The following MGLL variants were observed in gnomAD, a reference collection of about 807,000 sequenced individuals.
MGLL encodes monoglyceride lipase, also known as lysophospholipase homolog.
A neutral mutation model predicts 29.1 loss-of-function variants in MGLL; 7 were observed. The observed-to-expected ratio is 0.24, with a 90% CI of 0.14 to 0.45. MGLL has a LOEUF of 0.45. MGLL is among the 20% of genes least tolerant of loss of function. The pLI is 0.99. For missense variants in MGLL, 356 were observed against 413.6 expected, an observed-to-expected ratio of 0.86 and a Z score of 1.21; for synonymous variants, 148 against 168.3, an observed-to-expected ratio of 0.88 and a Z score of 0.93.
chr3:127,702,983 C>T (rs2075526259), intron 6 of MGLL, among the ~76,000 whole-genome samples: 1 of 152,206 alleles, frequency 6.6e-6, no homozygotes, highest in African/African-American at 2.4e-5. Flanking sequence ...GCATGAGCCA[C>T]CGCGTCCATC....
intron 6 of MGLL, among the ~76,000 whole-genome samples, chr3:127,696,364 C>CCATAG (rs2075362664): frequency 6.9e-6 from 1 of 145,472 alleles, no homozygotes; most frequent in Non-Finnish European, 1.5e-5. Context: ...TCTCTCAGGC[C>CCATAG]CATAGAGGGC....
chr3:127,801,752 TTATGTATTTTAAAA>T (rs2077483212), intron 2 of MGLL, among the ~76,000 whole-genome samples: 1 of 148,906 alleles, frequency 6.7e-6, no homozygotes, highest in South Asian at 2.1e-4. Flanking sequence ...TATGTATATG[TTATGTATTTTAAAA>T]TATGTATTTA....
intron 3 of MGLL, among the ~76,000 whole-genome samples, chr3:127,778,414 G>C (rs1256820822): frequency 6.6e-6 from 1 of 152,220 alleles, no homozygotes; most frequent in Non-Finnish European, 1.5e-5. Flanking sequence ...TGGGTACACA[G>C]CACAGCAGCC....
At chr3:127,792,136 G>A (rs1470776458) in intron 2 of MGLL, among the ~76,000 whole-genome samples, 2 of 152,300 alleles carry the variant, frequency 1.3e-5, no homozygotes, top group East Asian at 3.9e-4. Context: ...AAATCTATAT[G>A]TCTAGGTCCT....
chr3:127,822,959 T>TGC (rs1411081461), upstream of MGLL: 14 of 152,620 alleles, frequency 9.2e-5, no homozygotes, highest in African/African-American at 3.2e-4. Flanking sequence ...ACACACACCG[T>TGC]GCACACACAC....
At chr3:127,779,788 C>T (rs1317155695) in intron 3 of MGLL, among the ~76,000 whole-genome samples, 2 of 152,156 alleles carry the variant, frequency 1.3e-5, no homozygotes, top group Admixed American at 1.3e-4. Flanking sequence ...TCTTCACTTA[C>T]TAGCACATTT....
intron 5 of MGLL, among the ~76,000 whole-genome samples, chr3:127,714,679 A>G (rs1038207593): frequency 1.3e-5 from 2 of 152,148 alleles, no homozygotes; most frequent in African/African-American, 4.8e-5. Flanking sequence ...AAGAACAGAA[A>G]GGTCTCAGTG....
chr3:127,822,505 G>A lies in MGLL; in HGVS notation c.-187C>T. 3.1e-6 allele frequency: 2 copies of A among 635,448 alleles called. No homozygotes were observed. Among genetic ancestry groups the A allele is most frequent in the Non-Finnish European group, 5.6e-6 (2 of 357,156 alleles). 39.4% of individuals were successfully genotyped at this position (635,448 alleles called of 1,614,324 possible). A position where few individuals can be genotyped will look rare whatever the true frequency, so the allele number is the denominator to read the frequency against. On this transcript the variant is annotated 5_prime_UTR_variant, in exon 1 of 8. Coordinates refer to ENST00000265052, the MANE Select transcript of MGLL (RefSeq NM_007283.7). Reference sequence around the variant, plus strand: ...GGGAGCCTGCTTCCAGCTCCCACCGGCAGGCTCTCCGGGGCTCCCCTCCCT... The same window carrying A: ...GGGAGCCTGCTTCCAGCTCCCACCGACAGGCTCTCCGGGGCTCCCCTCCCT...
At position 127,689,631 on chromosome 3, in the gene MGLL, T is replaced by TG. The variant is rs2075209527; in HGVS notation, c.*2566dup. On this transcript the variant is annotated 3_prime_UTR_variant, in exon 8 of 8. Transcript: ENST00000265052. ...TCTCGAGGCCAAGCTGTGCGAGACC[T>TG]GGCATTCCTTCCAAACCTCAGTTCC... 1 of 152,442 alleles carries TG rather than the reference T, an allele frequency of 6.6e-6. No homozygotes were observed. The highest frequency in any genetic ancestry group is 1.9e-4 in the East Asian group (1 of 5,204). 9.4% of individuals were successfully genotyped at this position (152,442 alleles called of 1,614,324 possible). A position where few individuals can be genotyped will look rare whatever the true frequency, so the allele number is the denominator to read the frequency against.
At chr3:127,820,520 C>A (rs2077839931) in intron 2 of MGLL, among the ~76,000 whole-genome samples, 1 of 152,202 alleles carries the variant, frequency 6.6e-6, no homozygotes, top group African/African-American at 2.4e-5. Flanking sequence ...TATTTGTCTT[C>A]TTTCTGTATA....
intron 2 of MGLL, among the ~76,000 whole-genome samples, chr3:127,799,086 G>A (rs995914771): frequency 6.6e-6 from 1 of 152,184 alleles, no homozygotes; most frequent in Non-Finnish European, 1.5e-5. Flanking sequence ...TTCTCTCGAG[G>A]ACACATTCTT....
chr3:127,691,944 C>A lies in MGLL; in HGVS notation c.*254G>T. ...TTTGTTTTCAGTGGACATTTTAGCA[C>A]ATTCTTTGTGGAAAATCACCTGGGA... On this transcript the variant is annotated 3_prime_UTR_variant, in exon 8 of 8. Transcript: ENST00000265052. The A allele has an allele frequency of 1.9e-6, 1 of 520,560 alleles. No individual in the cohort carries two copies. The highest frequency in any genetic ancestry group is 3.4e-6 in the Non-Finnish European group (1 of 294,866). The allele number at this position is 520,560 out of a possible 1,614,324, so 32.2% of individuals were successfully genotyped here.
In MGLL at chr3:127,781,774, C is replaced by A. The variant is rs945564954; in HGVS notation, c.262+15G>T. ...CAGGGCCCAGCCAGCTCTGACGGCACCCTGGGACACTCACCATGGTCGTGG... is the reference window on the plus strand; with the variant it reads ...CAGGGCCCAGCCAGCTCTGACGGCAACCTGGGACACTCACCATGGTCGTGG... On this transcript the variant is annotated intron_variant, in intron 3 of 7. Coordinates refer to ENST00000265052, the MANE Select transcript of MGLL (RefSeq NM_007283.7). The A allele has an allele frequency of 4.3e-6, 7 of 1,613,108 alleles. 1 individual carries two copies. In the East Asian group the frequency reaches 1.6e-4, roughly 36 times the overall value.
chr3:127,794,509 G>C (rs529275239), intron 2 of MGLL, among the ~76,000 whole-genome samples: 1 of 150,938 alleles, frequency 6.6e-6, no homozygotes, highest in East Asian at 2.0e-4. Flanking sequence ...ATGATGTAAG[G>C]CTGTCTTCTA....
intron 3 of MGLL, among the ~76,000 whole-genome samples, chr3:127,777,772 T>C (rs1004272700): frequency 6.7e-6 from 1 of 148,446 alleles, no homozygotes; most frequent in African/African-American, 2.5e-5. Context: ...ATGGATCTGC[T>C]TGAATATACA....
chr3:127,742,939 C>T (rs1331901165), intron 3 of MGLL, among the ~76,000 whole-genome samples: 2 of 152,150 alleles, frequency 1.3e-5, no homozygotes, highest in African/African-American at 4.8e-5. Flanking sequence ...CTCAGCCTCT[C>T]GAGTAGCTGG....
chr3:127,746,986 C>T (rs1210069260), intron 3 of MGLL, among the ~76,000 whole-genome samples: 1 of 152,176 alleles, frequency 6.6e-6, no homozygotes, highest in Non-Finnish European at 1.5e-5. Flanking sequence ...GTGACTCAGC[C>T]CTGTTCTCGA....
chr3:127,739,794 T>C (rs1222663152), intron 3 of MGLL, among the ~76,000 whole-genome samples: 1 of 152,204 alleles, frequency 6.6e-6, no homozygotes, highest in Admixed American at 6.5e-5. Context: ...ACTGTGCTGC[T>C]TCTTTGAGGC....
chr3:127,808,756 C>T (rs1245750525), intron 2 of MGLL, among the ~76,000 whole-genome samples: 1 of 152,224 alleles, frequency 6.6e-6, no homozygotes, highest in Non-Finnish European at 1.5e-5. Context: ...TCATTCCTGC[C>T]TCCAGTGCCT....
Sources: allele counts gnomAD v4.1 joint callset (sites outside exome capture counted in the v4.1 genomes callset), GRCh38; gene constraint gnomAD v4.1.1; transcripts MANE v1.5; gene names NCBI Gene and HGNC (gene_info 2026-07-23, HGNC 2026-07-21).